The following CHRNA5 variants were observed in gnomAD, a reference collection of about 807,000 sequenced individuals.
The protein encoded by CHRNA5 is cholinergic receptor nicotinic alpha 5 subunit, also known as neuronal acetylcholine receptor subunit alpha-5.
CHRNA5 carries 28 observed loss-of-function variants against 41.2 expected under a neutral mutation model. The ratio of observed to expected loss-of-function variants is 0.68; its 90% CI spans 0.50 to 0.93. The LOEUF (loss-of-function observed/expected upper bound fraction) is 0.93. CHRNA5 is among the 40% of genes least tolerant of loss of function. The pLI is 0.00. For missense variants in CHRNA5, 481 were observed against 581.9 expected, an observed-to-expected ratio of 0.83 and a Z score of 1.78; for synonymous variants, 188 against 205.8, an observed-to-expected ratio of 0.91 and a Z score of 0.74.
At chr15:78,569,059 TA>T (rs1467780993) in intron 1 of CHRNA5, among the ~76,000 whole-genome samples, 30 of 152,354 alleles carry the variant, frequency 2.0e-4, no homozygotes, top group African/African-American at 5.3e-4. Context: ...GTAAACTTTA[TA>T]CACAATTTAA....
chr15:78,582,496 G>A (rs651209), intron 2 of CHRNA5, among the ~76,000 whole-genome samples: 51,102 of 101,810 alleles, frequency 0.5, 10,378 homozygotes, highest in East Asian at 0.75. Context: ...AAAAAAAAAA[G>A]AAAAGAAAAG....
intron 1 of CHRNA5, among the ~76,000 whole-genome samples, chr15:78,578,678 T>C (rs2052881505): frequency 6.6e-6 from 1 of 152,168 alleles, no homozygotes; most frequent in Non-Finnish European, 1.5e-5. Context: ...GAAAACATGG[T>C]CTATCATCAT....
At chr15:78,578,293 A>T (rs1166927844) in intron 1 of CHRNA5, among the ~76,000 whole-genome samples, 4 of 152,192 alleles carry the variant, frequency 2.6e-5, no homozygotes, top group Non-Finnish European at 5.9e-5. Context: ...GGATCACCTA[A>T]GGTCAGGAGT....
rs997031085 is a variant in CHRNA5, at chr15:78,565,736, C to T, written c.17C>T (p.Ser6Leu). Residue 6 changes from serine (S) to leucine (L), a missense_variant, in exon 1 of 6, where the codon TCA becomes TTA. Physicochemically the swap from Ser to Leu is moderately radical, Grantham distance 145 (BLOSUM62 -2). Coordinates refer to ENST00000299565, the Ensembl canonical transcript of CHRNA5. Reference sequence around the variant, plus strand: ...CGCGGGGCGATGGCGGCGCGGGGGTCAGGGCCCCGCGCGCTCCGCCTGCTG... The same window carrying T: ...CGCGGGGCGATGGCGGCGCGGGGGTTAGGGCCCCGCGCGCTCCGCCTGCTG... 293 of 1,188,500 alleles carry T rather than the reference C, an allele frequency of 2.5e-4. No individual in the cohort carries two copies. The highest frequency in any genetic ancestry group is 2.9e-4 in the Non-Finnish European group (278 of 960,070). 73.6% of individuals were successfully genotyped at this position (1,188,500 alleles called of 1,614,324 possible).
intron 1 of CHRNA5, among the ~76,000 whole-genome samples, chr15:78,579,330 T>C (rs2052888745): frequency 1.3e-5 from 2 of 152,220 alleles, no homozygotes; most frequent in African/African-American, 2.4e-5. Flanking sequence ...CTCGGCTCAC[T>C]GCAACCTCTG....
chr15:78,570,323 A>G (rs763411666), intron 1 of CHRNA5, among the ~76,000 whole-genome samples: 2 of 148,784 alleles, frequency 1.3e-5, no homozygotes, highest in Non-Finnish European at 3.0e-5. Context: ...CAGTGGCGTG[A>G]TCTTGGCTCA....
chr15:78,576,820 A>T (rs1039598266), intron 1 of CHRNA5, among the ~76,000 whole-genome samples: 4 of 151,992 alleles, frequency 2.6e-5, no homozygotes, highest in Admixed American at 1.3e-4. Context: ...AAAACAAAAA[A>T]AGCAATTACT....
intron 3 of CHRNA5, among the ~76,000 whole-genome samples, chr15:78,587,705 T>C (rs768007266): frequency 1.3e-5 from 2 of 152,216 alleles, no homozygotes; most frequent in Non-Finnish European, 1.5e-5. Flanking sequence ...TAAAGGACTT[T>C]TGTTTTTTTC....
intron 2 of CHRNA5, among the ~76,000 whole-genome samples, chr15:78,586,092 C>A (rs1454712468): frequency 6.6e-6 from 1 of 152,136 alleles, no homozygotes; most frequent in African/African-American, 2.4e-5. Flanking sequence ...CTGCGCCCAG[C>A]CCTCAATGTT....
In CHRNA5 at chr15:78,566,498, T is replaced by C. The variant is rs549041334; in HGVS notation, c.106+673T>C. Among the ~76,000 whole-genome samples the C allele has an allele frequency of 2.0e-5, 3 of 152,214 alleles. No individual in the cohort carries two copies. In the South Asian group the frequency reaches 6.2e-4, roughly 32 times the overall value. ...GCGTAGTCCTACATGTTTCAAGTGCTTGGGAAAGTTTTAGAGTCAGTTCTC... is the reference window on the plus strand; with the variant it reads ...GCGTAGTCCTACATGTTTCAAGTGCCTGGGAAAGTTTTAGAGTCAGTTCTC... On this transcript the variant is annotated intron_variant, in intron 1 of 5. Transcript: ENST00000299565.
At chr15:78,589,736 G>C (rs2052992686) in intron 4 of CHRNA5, 69 bp from the exon 5 acceptor site, 1 of 1,220,094 alleles carries the variant, frequency 8.2e-7, no homozygotes, top group Non-Finnish European at 1.1e-6. Flanking sequence ...TTTATATTAG[G>C]CTTATATTAA....
intron 1 of CHRNA5, 87 bp from the exon 2 acceptor site, chr15:78,580,724 C>A: frequency 8.6e-7 from 1 of 1,165,632 alleles, no homozygotes; most frequent in Non-Finnish European, 1.2e-6. Flanking sequence ...GCAACCTTTG[C>A]CTCCTGGGTT....
chr15:78,573,597 G>A (rs2052826589), intron 1 of CHRNA5, among the ~76,000 whole-genome samples: 1 of 152,148 alleles, frequency 6.6e-6, no homozygotes, highest in Non-Finnish European at 1.5e-5. Context: ...AAAGATTTAA[G>A]AATAATTTGT....
exon 5 of CHRNA5, chr15:78,590,073 G>A: frequency 6.2e-7 from 1 of 1,614,194 alleles, no homozygotes; most frequent in Non-Finnish European, 8.5e-7. Flanking sequence ...AGGGAGCAAA[G>A]GAAACAGAAC....
intron 1 of CHRNA5, among the ~76,000 whole-genome samples, chr15:78,571,033 T>A (rs1003882870): frequency 1.3e-5 from 2 of 152,198 alleles, no homozygotes; most frequent in African/African-American, 4.8e-5. Flanking sequence ...CTTCTGAAAC[T>A]TAGATGTACA....
At chr15:78,586,163 T>C (rs1054514067) in intron 2 of CHRNA5, among the ~76,000 whole-genome samples, 2 of 152,160 alleles carry the variant, frequency 1.3e-5, no homozygotes, top group African/African-American at 4.8e-5. Context: ...GGCAAATGAC[T>C]GTAAGAGATG....
At chr15:78,568,547 T>C (rs2052770656) in intron 1 of CHRNA5, among the ~76,000 whole-genome samples, 1 of 152,110 alleles carries the variant, frequency 6.6e-6, no homozygotes, top group Non-Finnish European at 1.5e-5. Flanking sequence ...ACATGTGCCA[T>C]GGTGGTTTGC....
rs926623440 is a variant in CHRNA5 at position 78,588,272 on chromosome 15, A to G, written c.304-42A>G. 1.9e-6 allele frequency: 2 copies of G among 1,060,526 alleles called. No homozygotes were observed. The highest frequency in any genetic ancestry group is 2.8e-6 in the Non-Finnish European group (2 of 715,412). 65.7% of individuals were successfully genotyped at this position (1,060,526 alleles called of 1,614,324 possible). A position where few individuals can be genotyped will look rare whatever the true frequency, so the allele number is the denominator to read the frequency against. The stretch of plus-strand genomic sequence containing the variant: ...AGTATGGTATTCACTGTTTTTGACT[A>G]TTAGTTTTATTGAAATTGAGGCAGA... On this transcript the variant is annotated intron_variant, in intron 3 of 5. Coordinates refer to ENST00000299565, the Ensembl canonical transcript of CHRNA5. The surrounding 1 kb of genome is among the most constrained non-coding windows in gnomAD (Gnocchi z 4.1).
exon 5 of CHRNA5, chr15:78,589,975 G>C: frequency 6.2e-7 from 1 of 1,614,108 alleles, no homozygotes; most frequent in Non-Finnish European, 8.5e-7. Flanking sequence ...ACTTATGATG[G>C]ATCACAGGTT....
Sources: allele counts gnomAD v4.1 joint callset (sites outside exome capture counted in the v4.1 genomes callset), GRCh38; gene constraint gnomAD v4.1.1; non-coding constraint Gnocchi (gnomAD v3.1); transcripts MANE v1.5; gene names NCBI Gene and HGNC (gene_info 2026-07-23, HGNC 2026-07-21).